The following USP13 variants were observed in gnomAD, a reference collection of about 807,000 sequenced individuals.
The protein encoded by USP13 is ubiquitin specific peptidase 13.
Under a neutral mutation model 107.8 loss-of-function variants are expected in USP13, and 68 were observed. That is an observed-to-expected ratio of 0.63 (90% CI 0.52 to 0.77). USP13 has a LOEUF of 0.77. Ranked by LOEUF, USP13 falls within the 30% of genes least tolerant of loss-of-function variation. The pLI is 0.00. For missense variants in USP13, 945 were observed against 1,093.3 expected (o/e 0.86, Z 1.91); for synonymous variants, 377 against 389.5 (o/e 0.97, Z 0.38).
chr3:179,705,636 A>T (rs1466769898), intron 4 of USP13, among the ~76,000 whole-genome samples: 2 of 152,174 alleles, frequency 1.3e-5, no homozygotes, highest in East Asian at 3.8e-4. Flanking sequence ...ATAACATTCC[A>T]TTGTATGTAC....
Position 179,721,394 on chromosome 3 carries a change from T to A in USP13, c.901-8T>A. 1 of 1,608,870 alleles carries A rather than the reference T, an allele frequency of 6.2e-7. No individual in the cohort carries two copies. The highest frequency in any genetic ancestry group is 2.2e-5 in the East Asian group (1 of 44,784). ...TAAAGTTGTTTTTCTTCGATGACTT[T>A]GTCTCAGACAGAGAATGGGCTCCAG... is the stretch of plus-strand genomic sequence containing the variant. On this transcript the variant is annotated splice_polypyrimidine_tract_variant and splice_region_variant and intron_variant, in intron 7 of 20. Transcript: ENST00000263966. This position sits in a 1 kb window ranked among gnomAD's most constrained non-coding sequence, Gnocchi z 4.3.
In USP13 at chr3:179,707,078, T is replaced by TGA. The variant is rs1159146510; in HGVS notation, c.620+6_620+7dup. 1 of 1,612,488 alleles carries TGA rather than the reference T, an allele frequency of 6.2e-7. No individual in the cohort carries two copies. Among genetic ancestry groups the TGA allele is most frequent in the Non-Finnish European group, 8.5e-7 (1 of 1,179,504 alleles). ...CAATGGAGTCAGGATTCCTCCAAGG[T>TGA]GAGAGTCAGATAGCAGAATGGAACT... On this transcript the variant is annotated splice_region_variant and intron_variant, in intron 5 of 20. Coordinates refer to ENST00000263966, the MANE Select transcript of USP13 (RefSeq NM_003940.3).
At position 179,745,037 on chromosome 3, in the gene USP13, A is replaced by G. The variant is rs1714347895; in HGVS notation, c.1535-6A>G. The G allele has an allele frequency of 1.9e-6, 3 of 1,614,092 alleles. No homozygotes were observed. Among genetic ancestry groups the G allele is most frequent in the Admixed American group, 3.3e-5 (2 of 60,018 alleles). The stretch of plus-strand genomic sequence containing the variant: ...TGCAAGGTCTTTGATTTGCTCTTTC[A>G]CCCAGATGAACTGATCGCTTATGAA... On this transcript the variant is annotated splice_region_variant and splice_polypyrimidine_tract_variant and intron_variant, in intron 12 of 20. Transcript: ENST00000263966.
intron 19 of USP13, 110 bp downstream of exon 19, chr3:179,765,958 C>A: frequency 8.3e-7 from 1 of 1,199,138 alleles, no homozygotes; most frequent in Non-Finnish European, 1.1e-6. Context: ...CAAAAGTTAG[C>A]ACAGATCCCA....
chr3:179,773,157 A>G (rs1715392677), intron 19 of USP13, among the ~76,000 whole-genome samples: 2 of 152,284 alleles, frequency 1.3e-5, no homozygotes, highest in Admixed American at 1.3e-4. Flanking sequence ...CCTCATGAAT[A>G]CCTTGTGGGG....
rs1386557792 is a variant in USP13, at chr3:179,701,439, C to T, written c.477+310C>T. Among the ~76,000 whole-genome samples, 6 of 152,080 alleles carry T rather than the reference C, an allele frequency of 3.9e-5. No homozygotes were observed. The East Asian group carries it at 5.8e-4, about 15-fold the overall frequency. ...TTGCCTCCTAAATCACAATCTGTTCCTTAGATTTTCAAACTCTGCACCCCA... is the reference window on the plus strand; with the variant it reads ...TTGCCTCCTAAATCACAATCTGTTCTTTAGATTTTCAAACTCTGCACCCCA... On this transcript the variant is annotated intron_variant, in intron 4 of 20. Transcript: ENST00000263966.
chr3:179,708,088 A>G (rs1413016117), intron 5 of USP13, among the ~76,000 whole-genome samples: 1 of 152,202 alleles, frequency 6.6e-6, no homozygotes, highest in African/African-American at 2.4e-5. Context: ...TTAGAACTTT[A>G]GTCATTTATA....
intron 2 of USP13, 82 bp from the exon 3 acceptor site, chr3:179,690,158 AG>A: frequency 7.6e-7 from 1 of 1,320,546 alleles, no homozygotes; most frequent in Non-Finnish European, 1.1e-6. Context: ...TGTAAAAACT[AG>A]GAACCTCTGA....
At chr3:179,759,465 A>G (rs1714928121) in intron 16 of USP13, among the ~76,000 whole-genome samples, 1 of 152,212 alleles carries the variant, frequency 6.6e-6, no homozygotes, top group Non-Finnish European at 1.5e-5. Flanking sequence ...AATGCACATC[A>G]TGAATTTCTA....
At chr3:179,698,840 A>G (rs937029580) in intron 3 of USP13, among the ~76,000 whole-genome samples, 1 of 150,782 alleles carries the variant, frequency 6.6e-6, no homozygotes, top group African/African-American at 2.4e-5. Context: ...AATAACTATG[A>G]TTTAAATAAT....
rs886846664 is a variant in USP13 at position 179,685,726 on chromosome 3, A to T, written c.294+3723A>T. Among the ~76,000 whole-genome samples the T allele has an allele frequency of 2.0e-5, 3 of 152,136 alleles. No homozygotes were observed. In the East Asian group the frequency reaches 5.8e-4, roughly 29 times the overall value. On this transcript the variant is annotated intron_variant, in intron 2 of 20. Coordinates refer to ENST00000263966, the MANE Select transcript of USP13 (RefSeq NM_003940.3). ...CAGCAGAACTGTGGAATGCTGGTAA[A>T]CTTGTACAGTTAGCTCTGCCTCTGG...
intron 16 of USP13, among the ~76,000 whole-genome samples, chr3:179,759,057 C>T (rs546937283): frequency 6.6e-6 from 1 of 152,230 alleles, no homozygotes; most frequent in South Asian, 2.1e-4. Flanking sequence ...CCTCGGCCCA[C>T]TGCAACCTCT....
chr3:179,732,705 T>C (rs1193040041), intron 10 of USP13, among the ~76,000 whole-genome samples: 1 of 151,940 alleles, frequency 6.6e-6, no homozygotes, highest in African/African-American at 2.4e-5. Flanking sequence ...TGTTTGGAAA[T>C]AAAATTTGGT....
intron 3 of USP13, among the ~76,000 whole-genome samples, chr3:179,693,015 C>G (rs990034767): frequency 1.3e-5 from 2 of 152,178 alleles, no homozygotes; most frequent in Non-Finnish European, 2.9e-5. Flanking sequence ...GCATATAGAA[C>G]TCACAGCCCC....
chr3:179,741,172 C>A (rs1247018673), intron 11 of USP13, among the ~76,000 whole-genome samples: 5 of 151,972 alleles, frequency 3.3e-5, no homozygotes. Context: ...AATGCCACGC[C>A]CTGCAGCCAG....
chr3:179,687,674 A>AAAAAAAAAAAAAAAAAAAAC (rs1711924382), intron 2 of USP13, among the ~76,000 whole-genome samples: 1 of 139,438 alleles, frequency 7.2e-6, no homozygotes, highest in African/African-American at 2.6e-5. Context: ...AAAAAAAAAA[A>AAAAAAAAAAAAAAAAAAAAC]AAAAAAAAAA....
chr3:179,683,570 C>T (rs1466850345), intron 2 of USP13, among the ~76,000 whole-genome samples: 1 of 152,162 alleles, frequency 6.6e-6, no homozygotes, highest in African/African-American at 2.4e-5. Context: ...AGAGCTTGTG[C>T]AGGGAAATTC....
intron 6 of USP13, among the ~76,000 whole-genome samples, chr3:179,715,338 C>G (rs1160068378): frequency 6.6e-6 from 1 of 151,154 alleles, no homozygotes; most frequent in East Asian, 1.9e-4. Flanking sequence ...TACATGCTGG[C>G]CTCATTTAAT....
intron 1 of USP13, among the ~76,000 whole-genome samples, chr3:179,666,258 T>A (rs2108438730): frequency 6.6e-6 from 1 of 152,004 alleles, no homozygotes; most frequent in African/African-American, 2.4e-5. Context: ...TAGGTGGGAG[T>A]GGCTACAGGA....
Sources: allele counts gnomAD v4.1 joint callset (sites outside exome capture counted in the v4.1 genomes callset), GRCh38; gene constraint gnomAD v4.1.1; non-coding constraint Gnocchi (gnomAD v3.1); transcripts MANE v1.5; gene names NCBI Gene and HGNC (gene_info 2026-07-23, HGNC 2026-07-21).